The following VCL variants were observed in gnomAD, a reference collection of about 807,000 sequenced individuals.
VCL encodes epididymis luminal protein 114.
In VCL, 47 loss-of-function variants were observed where a neutral mutation model predicts 125.7. The observed-to-expected ratio is 0.37, with a 90% CI of 0.30 to 0.48. The LOEUF (loss-of-function observed/expected upper bound fraction) is 0.48, where lower values mean the gene tolerates loss of function less well. VCL is among the 20% of genes least tolerant of loss of function. The pLI is 0.99. For synonymous variants in VCL, 458 were observed against 514.6 expected, an observed-to-expected ratio of 0.89 and a Z score of 1.49; for missense variants, 1,069 against 1,455.5, an observed-to-expected ratio of 0.73 and a Z score of 4.32.
intron 1 of VCL, among the ~76,000 whole-genome samples, chr10:74,016,207 G>C (rs1463287619): frequency 6.6e-6 from 1 of 151,994 alleles, no homozygotes; most frequent in Non-Finnish European, 1.5e-5. Context: ...ATAGTCTCTT[G>C]TTCTTTTATT....
At chr10:74,092,063 C>T (rs1839898499) in intron 10 of VCL, among the ~76,000 whole-genome samples, 1 of 151,908 alleles carries the variant, frequency 6.6e-6, no homozygotes, top group South Asian at 2.1e-4. Flanking sequence ...CGCACACCAC[C>T]ACGCCCAGCT....
At chr10:74,088,307 T>G (rs1261612770) in intron 8 of VCL, among the ~76,000 whole-genome samples, 2 of 152,166 alleles carry the variant, frequency 1.3e-5, no homozygotes, top group African/African-American at 4.8e-5. Context: ...ACTCATATCA[T>G]TTTTAGTAGT....
rs150402791 is a variant in VCL, at chr10:74,095,738, C to T, written c.1626C>T (p.Leu542=). 8.3e-5 allele frequency: 134 copies of T among 1,614,182 alleles called. No individual in the cohort carries two copies. The African/African-American group carries it at 1.3e-3, about 16-fold the overall frequency. ...TGGGGCCTTATCGGCAAGATCTTCT[C>T]GCCAAGTGTGACCGAGTGGACCAGC... ...VMMGPYRQDL[L]AKCDRVDQLT... Residue 542 remains leucine, a synonymous_variant, in exon 12 of 22, where the codon CTC becomes CTT. Transcript: ENST00000211998.
At chr10:74,012,713 C>T (rs531856779) in intron 1 of VCL, among the ~76,000 whole-genome samples, 4 of 152,214 alleles carry the variant, frequency 2.6e-5, no homozygotes, top group Non-Finnish European at 4.4e-5. Context: ...GAGCATTGGC[C>T]TCAGCTGCTT....
At chr10:74,109,583 T>TTTTTTTC (rs758211375) in intron 18 of VCL, among the ~76,000 whole-genome samples, 3 of 152,112 alleles carry the variant, frequency 2.0e-5, no homozygotes, top group Admixed American at 6.5e-5. Flanking sequence ...TTTCTTTTTT[T>TTTTTTTC]TTCCACAGAA....
chr10:74,049,117 A>G (rs1841250518), intron 2 of VCL, among the ~76,000 whole-genome samples: 1 of 152,038 alleles, frequency 6.6e-6, no homozygotes, highest in Non-Finnish European at 1.5e-5. Context: ...AAAAAAACAA[A>G]CAAACAAACA....
intron 1 of VCL, among the ~76,000 whole-genome samples, chr10:74,007,788 G>C (rs764517981): frequency 6.6e-6 from 1 of 151,804 alleles, no homozygotes; most frequent in Non-Finnish European, 1.5e-5. Context: ...GAGCCGCTGC[G>C]CTCAGCCTAA....
chr10:74,060,655 CAAAAA>C (rs11398822), intron 2 of VCL, among the ~76,000 whole-genome samples: 2 of 109,226 alleles, frequency 1.8e-5, no homozygotes, highest in African/African-American at 6.8e-5. Context: ...GACTCTGTCT[CAAAAA>C]AAAAAAAAAA....
intron 2 of VCL, among the ~76,000 whole-genome samples, chr10:74,059,627 G>A (rs1411689228): frequency 1.3e-5 from 2 of 151,990 alleles, no homozygotes; most frequent in African/African-American, 2.4e-5. Flanking sequence ...GATTGGTCTC[G>A]AATTCCTGAC....
chr10:74,026,264 C>T (rs548281068), intron 1 of VCL, among the ~76,000 whole-genome samples: 3 of 152,238 alleles, frequency 2.0e-5, no homozygotes, highest in South Asian at 2.1e-4. Context: ...GTCTGCAGCT[C>T]GATTTTTCAG....
intron 1 of VCL, among the ~76,000 whole-genome samples, chr10:74,041,551 A>G (rs1025386640): frequency 6.6e-6 from 1 of 152,214 alleles, no homozygotes. Context: ...TCTATATAAA[A>G]TGACAGATAA....
At chr10:74,055,419 A>T (rs1044235182) in intron 2 of VCL, among the ~76,000 whole-genome samples, 1 of 152,018 alleles carries the variant, frequency 6.6e-6, no homozygotes, top group Non-Finnish European at 1.5e-5. Context: ...ATCACAACTC[A>T]TTGCAGCCTC....
At chr10:74,022,849 C>T (rs1023880048) in intron 1 of VCL, among the ~76,000 whole-genome samples, 1 of 151,948 alleles carries the variant, frequency 6.6e-6, no homozygotes, top group Non-Finnish European at 1.5e-5. Flanking sequence ...CCATGTTGGC[C>T]AGGCTGGTCT....
At chr10:74,018,407 T>G (rs1308195195) in intron 1 of VCL, among the ~76,000 whole-genome samples, 1 of 151,850 alleles carries the variant, frequency 6.6e-6, no homozygotes, top group African/African-American at 2.4e-5. Flanking sequence ...ACTTAGCCTC[T>G]GATGCCAAGG....
At chr10:74,008,442 G>T in intron 1 of VCL, among the ~76,000 whole-genome samples, 1 of 152,162 alleles carries the variant, frequency 6.6e-6, no homozygotes, top group Non-Finnish European at 1.5e-5. Context: ...TGAAAGTGGC[G>T]TTGGGATTTT....
chr10:74,011,975 A>G (rs1435346485), intron 1 of VCL, among the ~76,000 whole-genome samples: 1 of 152,242 alleles, frequency 6.6e-6, no homozygotes, highest in African/African-American at 2.4e-5. Flanking sequence ...TTTTAAGGGG[A>G]AAGTGGCTGA....
intron 1 of VCL, among the ~76,000 whole-genome samples, chr10:74,021,948 T>G (rs1324847190): frequency 6.6e-6 from 1 of 152,196 alleles, no homozygotes; most frequent in Non-Finnish European, 1.5e-5. Flanking sequence ...AATCTCTCCT[T>G]CCTTTCCATT....
chr10:74,014,037 G>C (rs1019399459), intron 1 of VCL, among the ~76,000 whole-genome samples: 8 of 152,062 alleles, frequency 5.3e-5, no homozygotes, highest in Non-Finnish European at 1.2e-4. Flanking sequence ...CACAGTTTTA[G>C]GTGCTTGAAC....
chr10:74,021,211 G>A (rs1168763269), intron 1 of VCL, among the ~76,000 whole-genome samples: 1 of 152,006 alleles, frequency 6.6e-6, no homozygotes, highest in Non-Finnish European at 1.5e-5. Context: ...CTCTCCCTTT[G>A]CTGTGTTACT....
Sources: allele counts gnomAD v4.1 joint callset (sites outside exome capture counted in the v4.1 genomes callset), GRCh38; gene constraint gnomAD v4.1.1; transcripts MANE v1.5; gene names NCBI Gene and HGNC (gene_info 2026-07-23, HGNC 2026-07-21).